Variants in LIG1 observed in about 807,000 individuals in gnomAD.
The protein encoded by LIG1 is ligase I, DNA, ATP-dependent.
A neutral mutation model predicts 115.7 loss-of-function variants in LIG1; 70 were observed. That is an observed-to-expected ratio of 0.60 (90% CI 0.50 to 0.74). The LOEUF (loss-of-function observed/expected upper bound fraction) is 0.74, where lower values mean the gene tolerates loss of function less well. LIG1 is among the 30% of genes least tolerant of loss of function. The pLI, the probability that LIG1 is intolerant of heterozygous loss-of-function variation, is 0.00. For synonymous variants in LIG1, 487 were observed against 495.3 expected (o/e 0.98, Z 0.22); for missense variants, 1,115 against 1,225.6 (o/e 0.91, Z 1.35).
At chr19:48,164,523 T>G (rs969059255) in intron 2 of LIG1, among the ~76,000 whole-genome samples, 2 of 152,204 alleles carry the variant, frequency 1.3e-5, no homozygotes, top group African/African-American at 4.8e-5. Context: ...GCTGCATCCC[T>G]GTGGCTGGTT....
In LIG1 at chr19:48,123,198, C is replaced by G. The variant is rs764267948; in HGVS notation, c.2125G>C (p.Glu709Gln). The change falls in exon 22 of 28, where the codon GAG becomes CAG. Residue 709 changes from glutamate (E) to glutamine (Q), a missense_variant. By Grantham distance (29) the Glu-to-Gln change is conservative (BLOSUM62 2). Coordinates refer to ENST00000263274, the MANE Select transcript of LIG1 (RefSeq NM_000234.3). ...CCTTTCACTGACTGCTCCAGGAACT[C>G]GGCGATCTGCTCGATGTCCTTGGTG... Reference protein sequence around the residue: ...LDTKDIEQIAEFLEQSVKDSC... With the variant: ...LDTKDIEQIAQFLEQSVKDSC... 5 of 1,614,074 alleles carry G rather than the reference C, an allele frequency of 3.1e-6. No homozygotes were observed. The East Asian group carries it at 1.1e-4, about 36-fold the overall frequency.
intron 1 of LIG1, among the ~76,000 whole-genome samples, chr19:48,167,825 T>TAAAAA (rs776208781): frequency 3.5e-5 from 4 of 113,748 alleles, no homozygotes; most frequent in African/African-American, 9.5e-5. Flanking sequence ...GACCCCGTCT[T>TAAAAA]AAAAAAAAAA....
chr19:48,170,198 GC>G (rs1222413027), intron 1 of LIG1, 42 bp downstream of exon 1: 1 of 454,960 alleles, frequency 2.2e-6, no homozygotes. Context: ...CGGCGCACCC[GC>G]CGCCCTCCGC....
At chr19:48,120,937 A>C in intron 24 of LIG1, 1 of 1,368,350 alleles carries the variant, frequency 7.3e-7, no homozygotes, top group Non-Finnish European at 9.4e-7. Flanking sequence ...ATTTGTAGCT[A>C]ATCTCAATCT....
chr19:48,161,571 C>G (rs756217663), intron 3 of LIG1, 64 bp from the exon 4 acceptor site: 1 of 1,570,774 alleles, frequency 6.4e-7, no homozygotes, highest in East Asian at 2.3e-5. Context: ...GGGCACTGCC[C>G]GCAAACACTT....
intron 22 of LIG1, 21 bp downstream of exon 22, chr19:48,123,153 G>A (rs2033414617): frequency 6.2e-7 from 1 of 1,613,936 alleles, no homozygotes; most frequent in African/African-American, 1.3e-5. Context: ...GACCTCAGGA[G>A]AGAAAAGTGA....
intron 1 of LIG1, among the ~76,000 whole-genome samples, chr19:48,168,332 A>C (rs10426471): frequency 0.53 from 80,690 of 151,942 alleles, 21,651 homozygotes; most frequent in East Asian, 0.67. Flanking sequence ...GATGAAGGTA[A>C]TGAGGACAGA....
At chr19:48,154,190 C>A in intron 5 of LIG1, 2 of 561,458 alleles carry the variant, frequency 3.6e-6, no homozygotes, top group Non-Finnish European at 3.3e-6. Context: ...GCTTTGCTCT[C>A]TCACGACTGC....
chr19:48,161,489 C>T lies in LIG1; in HGVS notation c.126G>A (p.Trp42Ter). 6.2e-7 allele frequency: 1 copy of T among 1,614,176 alleles called. No individual in the cohort carries two copies. Residue 42 changes from tryptophan (W) to a stop codon, truncating the protein, a stop_gained, in exon 4 of 28, where the codon TGG becomes TGA. Transcript: ENST00000263274. LOFTEE classifies it high-confidence loss of function. ...EPPPKAALKE[W>*]NGVVSESDSP... ...AGTCACTCTCGGACACCACTCCATT[C>T]CACTCCTTCAGTGCCGCCCTGGAAG...
At position 48,149,808 on chromosome 19, in the gene LIG1, T is replaced by G. The variant is rs757341594; in HGVS notation, c.731A>C (p.Lys244Thr). 1 of 1,614,136 alleles carries G rather than the reference T, an allele frequency of 6.2e-7. No homozygotes were observed. Among genetic ancestry groups the G allele is most frequent in the Non-Finnish European group, 8.5e-7 (1 of 1,180,006 alleles). ...PRKPAVKKEVKEEEPGAPGKE... is the reference protein window; with the variant it reads ...PRKPAVKKEVTEEEPGAPGKE... ...TCCTGGAGCCCCTGGCTCCTCTTCC[T>G]TCACTTCTTTTTTGACTGCTGGCTT... The change falls in exon 9 of 28, where the codon AAG (lysine) becomes ACG (threonine). Residue 244 changes from lysine to threonine, a missense_variant. Transcript: ENST00000263274.
chr19:48,136,101 A>C lies in LIG1; in HGVS notation c.1356T>G (p.Leu452=). The C allele has an allele frequency of 6.4e-7, 1 of 1,572,294 alleles. No individual in the cohort carries two copies. The highest frequency in any genetic ancestry group is 8.6e-7 in the Non-Finnish European group (1 of 1,159,114). The change falls in exon 15 of 28, where the codon CTT becomes CTG. Residue 452 remains leucine, a synonymous_variant. Coordinates refer to ENST00000263274, the MANE Select transcript of LIG1 (RefSeq NM_000234.3). ...CCAGCACCGACTGCTCTGCCAGCCC[A>C]AGGCGCAGCCGTCCGCTCAGGGACC... ...IARSLSGRLR[L]GLAEQSVLAA... is the part of the protein sequence containing the mutation.
intron 9 of LIG1, among the ~76,000 whole-genome samples, chr19:48,146,882 C>A (rs1396200089): frequency 6.6e-6 from 1 of 152,204 alleles, no homozygotes; most frequent in Non-Finnish European, 1.5e-5. Context: ...GGCCCTACCC[C>A]CACCTCCCTG....
intron 18 of LIG1, among the ~76,000 whole-genome samples, chr19:48,131,537 CA>C (rs1311849783): frequency 1.3e-5 from 2 of 152,228 alleles, no homozygotes; most frequent in African/African-American, 4.8e-5. Context: ...CTGCTCAATG[CA>C]ACCTCCACCT....
chr19:48,142,980 G>A (rs1047790795), intron 11 of LIG1, among the ~76,000 whole-genome samples: 3 of 152,162 alleles, frequency 2.0e-5, no homozygotes, highest in African/African-American at 4.8e-5. Flanking sequence ...ACACAGGGGC[G>A]AGTGCTGGGG....
rs1239922448 is a variant in LIG1, at chr19:48,122,195, C to T, written c.2232+739G>A. On this transcript the variant is annotated intron_variant, in intron 23 of 27. Coordinates refer to ENST00000263274, the MANE Select transcript of LIG1 (RefSeq NM_000234.3). This position sits in a 1 kb window ranked among gnomAD's most constrained non-coding sequence, Gnocchi z 4.3. ...CTCTCCACTCAAACATCCATCAACT[C>T]TTACTGATGACAGGCTCCTGCTCGC... 6.5e-6 allele frequency: 1 copy of T among 154,806 alleles called. No homozygotes were observed. The highest frequency in any genetic ancestry group is 1.4e-5 in the Non-Finnish European group (1 of 69,780). 9.6% of individuals were successfully genotyped at this position (154,806 alleles called of 1,614,324 possible).
chr19:48,118,005 C>T (rs1301410130), intron 25 of LIG1: 1 of 589,052 alleles, frequency 1.7e-6, no homozygotes, highest in South Asian at 2.0e-5. Flanking sequence ...AACAAGACCC[C>T]CTTGAAGTAA....
At chr19:48,121,521 G>T (rs3731024) in intron 23 of LIG1, among the ~76,000 whole-genome samples, 199 bp from the exon 24 acceptor site, 1,688 of 152,310 alleles carry the variant, frequency 0.011, 37 homozygotes, top group African/African-American at 0.037. Flanking sequence ...AACAAATGGG[G>T]CCGGGCACGG....
chr19:48,162,772 G>C (rs3730851), intron 2 of LIG1, among the ~76,000 whole-genome samples: 1 of 152,126 alleles, frequency 6.6e-6, no homozygotes, highest in East Asian at 1.9e-4. Flanking sequence ...GCACATAACA[G>C]AGAATTTCAA....
In LIG1 at chr19:48,127,875, G is replaced by A. The variant is rs200363174; in HGVS notation, c.1932+35C>T. On this transcript the variant is annotated intron_variant, in intron 20 of 27. Coordinates refer to ENST00000263274, the MANE Select transcript of LIG1 (RefSeq NM_000234.3). ...GACTGGGTGGAAGATGAGGAAGTACGGGGCCTTGGCAGGCAGTGGAGCGGG... is the reference window on the plus strand; with the variant it reads ...GACTGGGTGGAAGATGAGGAAGTACAGGGCCTTGGCAGGCAGTGGAGCGGG... 961 of 1,518,858 alleles carry A rather than the reference G, an allele frequency of 6.3e-4. 10 individuals are homozygous for A. The South Asian group carries it at 7.1e-3, about 11-fold the overall frequency. The allele number at this position is 1,518,858 out of a possible 1,614,324, so 94.1% of individuals were successfully genotyped here.
Sources: gnomAD v4.1 joint callset for allele counts (sites outside exome capture counted in the v4.1 genomes callset) on GRCh38, gnomAD v4.1.1 for gene constraint, Gnocchi (gnomAD v3.1) non-coding constraint, MANE v1.5 for transcripts, NCBI Gene and HGNC (gene_info 2026-07-23, HGNC 2026-07-21) for gene names.